The following TMC2 variants were observed in gnomAD, a reference collection of about 807,000 sequenced individuals.
TMC2 encodes the protein transmembrane channel like 2, also known as transmembrane channel-like protein 2.
TMC2 carries 102 observed loss-of-function variants against 105.9 expected under a neutral mutation model. The ratio of observed to expected loss-of-function variants is 0.96; its 90% CI spans 0.82 to 1.14. TMC2 has a LOEUF of 1.14. Ranked by LOEUF, TMC2 falls within the 50% of genes most tolerant of loss-of-function variation. The probability of loss-of-function intolerance (pLI) is 0.00; values close to 1 mark genes in which losing one functional copy is unlikely to be tolerated. For missense variants in TMC2, 1,093 were observed against 1,134.3 expected, an observed-to-expected ratio of 0.96 and a Z score of 0.52; for synonymous variants, 402 against 422.8, an observed-to-expected ratio of 0.95 and a Z score of 0.60.
intron 5 of TMC2, among the ~76,000 whole-genome samples, chr20:2,576,106 A>C (rs2086142498): frequency 6.6e-6 from 1 of 151,800 alleles, no homozygotes; most frequent in African/African-American, 2.4e-5. Flanking sequence ...GGTTGTTTTC[A>C]TTTTAGTCAC....
intron 8 of TMC2, among the ~76,000 whole-genome samples, chr20:2,593,292 C>T (rs956937442): frequency 1.3e-5 from 2 of 152,170 alleles, no homozygotes; most frequent in Non-Finnish European, 2.9e-5. Flanking sequence ...AGGTCCCTCC[C>T]TCAACACCTG....
intron 19 of TMC2, among the ~76,000 whole-genome samples, chr20:2,639,520 G>C (rs559701234): frequency 6.6e-6 from 1 of 152,226 alleles, no homozygotes; most frequent in African/African-American, 2.4e-5. Context: ...TATAGCCTAT[G>C]TGTATAACAG....
chr20:2,636,139 T>C (rs2086641348), intron 18 of TMC2, 135 bp downstream of exon 18: 1 of 698,102 alleles, frequency 1.4e-6, no homozygotes, highest in Non-Finnish European at 2.6e-6. Flanking sequence ...ATCTGTATTA[T>C]GGGAAGTAGC....
intron 16 of TMC2, chr20:2,617,620 AC>A (rs938892702): frequency 1.3e-5 from 5 of 389,224 alleles, no homozygotes; most frequent in African/African-American, 8.2e-5. Context: ...TGATAGTTGT[AC>A]ATATTTGGGG....
intron 5 of TMC2, among the ~76,000 whole-genome samples, chr20:2,573,715 C>T (rs6115006): frequency 0.089 from 12,965 of 145,752 alleles, 729 homozygotes; most frequent in African/African-American, 0.12. Flanking sequence ...CGCCCGCCAC[C>T]ACGCCCGGCT....
intron 2 of TMC2, among the ~76,000 whole-genome samples, chr20:2,542,964 T>C (rs1005122636): frequency 3.9e-5 from 6 of 152,178 alleles, no homozygotes; most frequent in South Asian, 2.1e-4. Flanking sequence ...AGGCCAGGCA[T>C]GGTGGCACAC....
Position 2,613,373 on chromosome 20 carries a change from C to A in TMC2, c.1872+51C>A, listed in dbSNP as rs753384022. On this transcript the variant is annotated intron_variant, in intron 14 of 19. Coordinates refer to ENST00000358864, the MANE Select transcript of TMC2 (RefSeq NM_080751.3). ...CGCACAAAGGAATTTCAACTATCTT[C>A]TTTGATACTTATAGCCAGATGCATT... 6.2e-6 allele frequency: 10 copies of A among 1,611,902 alleles called. No homozygotes were observed. The East Asian group carries it at 2.2e-4, about 36-fold the overall frequency.
intron 3 of TMC2, among the ~76,000 whole-genome samples, chr20:2,560,565 T>C (rs2086018731): frequency 6.6e-6 from 1 of 152,054 alleles, no homozygotes; most frequent in African/African-American, 2.4e-5. Flanking sequence ...AGGCCGGGCG[T>C]GGTGGCTCAC....
chr20:2,551,449 T>C (rs937745580), intron 2 of TMC2, among the ~76,000 whole-genome samples: 1 of 152,026 alleles, frequency 6.6e-6, no homozygotes, highest in Non-Finnish European at 1.5e-5. Context: ...AGCAGAAGTT[T>C]TTAGTTTTAA....
Position 2,616,189 on chromosome 20 carries a change from A to G in TMC2, c.1925A>G (p.Asn642Ser), listed in dbSNP as rs2086480191. The change falls in exon 15 of 20, where the codon AAC (asparagine) becomes AGC (serine). Residue 642 changes from asparagine (N) to serine (S), a missense_variant. By Grantham distance (46) the Asn-to-Ser change is conservative (BLOSUM62 1). Transcript: ENST00000358864. The surrounding 1 kb of genome is among the most constrained non-coding windows in gnomAD (Gnocchi z 4.8). ...ISGNVLGLIF[N>S]QGMIWMGSFY... ...GGAAATGTGCTGGGTTTGATCTTCA[A>G]CCAAGGAATGATCTGGTGAGTTATC... 9 of 1,613,358 alleles carry G rather than the reference A, an allele frequency of 5.6e-6. No individual in the cohort carries two copies. Among genetic ancestry groups the G allele is most frequent in the Non-Finnish European group, 5.9e-6 (7 of 1,179,364 alleles).
intron 3 of TMC2, 53 bp from the exon 4 acceptor site, chr20:2,561,805 G>GAC: frequency 6.3e-7 from 1 of 1,581,180 alleles, no homozygotes; most frequent in Non-Finnish European, 8.6e-7. Context: ...AGCACCTGAG[G>GAC]ACACCACCTC....
intron 3 of TMC2, among the ~76,000 whole-genome samples, chr20:2,559,680 CAG>C (rs1157978341): frequency 2.0e-5 from 3 of 152,162 alleles, no homozygotes; most frequent in Non-Finnish European, 4.4e-5. Flanking sequence ...TCCACCTTTA[CAG>C]AGAGGCTTTT....
At chr20:2,589,677 A>G (rs2086255532) in intron 7 of TMC2, among the ~76,000 whole-genome samples, 2 of 151,814 alleles carry the variant, frequency 1.3e-5, no homozygotes, top group African/African-American at 4.8e-5. Context: ...TTTGTTTGTT[A>G]ATTTGTTTTT....
intron 7 of TMC2, among the ~76,000 whole-genome samples, chr20:2,581,811 A>G (rs2086192039): frequency 1.3e-5 from 2 of 152,244 alleles, no homozygotes; most frequent in South Asian, 4.1e-4. Flanking sequence ...GGTATAATTT[A>G]TGTAAGTTTT....
At chr20:2,572,085 T>G (rs2086107325) in intron 4 of TMC2, 94 bp from the exon 5 acceptor site, 1 of 924,124 alleles carries the variant, frequency 1.1e-6, no homozygotes, top group East Asian at 2.4e-5. Flanking sequence ...TACAAAGACA[T>G]AAGCCTTCAC....
In TMC2 at chr20:2,562,146, G is replaced by C. The variant is rs543855918; in HGVS notation, c.554+136G>C. 21 of 1,132,116 alleles carry C rather than the reference G, an allele frequency of 1.9e-5. No individual in the cohort carries two copies. In the African/African-American group the frequency reaches 3.1e-4, roughly 17 times the overall value. 70.1% of individuals were successfully genotyped at this position (1,132,116 alleles called of 1,614,324 possible). A position where few individuals can be genotyped will look rare whatever the true frequency, so the allele number is the denominator to read the frequency against. On this transcript the variant is annotated intron_variant, in intron 4 of 19. Coordinates refer to ENST00000358864, the MANE Select transcript of TMC2 (RefSeq NM_080751.3). ...CTCCAGCGAGGACAGCACTCAGGGA[G>C]CCCCATGAGAGCCAAGGCGGCCGTG...
At chr20:2,632,876 A>G in intron 17 of TMC2, among the ~76,000 whole-genome samples, 1 of 152,264 alleles carries the variant, frequency 6.6e-6, no homozygotes, top group Non-Finnish European at 1.5e-5. Flanking sequence ...GGCGTGAGCC[A>G]CTGCACCCAG....
intron 2 of TMC2, among the ~76,000 whole-genome samples, chr20:2,543,903 GT>G (rs1555769797): frequency 0.014 from 1,959 of 144,124 alleles, 11 homozygotes; most frequent in Non-Finnish European, 0.018. Context: ...CTGCATGTCA[GT>G]TTTTTTTTTT....
At chr20:2,597,464 C>T (rs1326436849) in intron 10 of TMC2, among the ~76,000 whole-genome samples, 166 bp downstream of exon 10, 3 of 151,970 alleles carry the variant, frequency 2.0e-5, no homozygotes, top group Non-Finnish European at 4.4e-5. Context: ...TAAGAATGTT[C>T]GTGGCTGGTG....
Sources: gnomAD v4.1 joint callset for allele counts (sites outside exome capture counted in the v4.1 genomes callset) on GRCh38, gnomAD v4.1.1 for gene constraint, Gnocchi (gnomAD v3.1) non-coding constraint, MANE v1.5 for transcripts, NCBI Gene and HGNC (gene_info 2026-07-23, HGNC 2026-07-21) for gene names.